BAZ2B: variants seen among roughly 807,000 people sequenced by gnomAD.
The protein encoded by BAZ2B is bromodomain adjacent to zinc finger domain 2B.
In BAZ2B, 91 loss-of-function variants were observed where a neutral mutation model predicts 246.0. The observed-to-expected ratio is 0.37, with a 90% CI of 0.31 to 0.44. BAZ2B has a LOEUF of 0.44. BAZ2B is among the 20% of genes least tolerant of loss of function. The pLI is 1.00. For synonymous variants in BAZ2B, 855 were observed against 860.0 expected (o/e 0.99, Z 0.10); for missense variants, 2,332 against 2,533.7 (o/e 0.92, Z 1.71).
intron 3 of BAZ2B, among the ~76,000 whole-genome samples, chr2:159,472,065 A>G (rs1020319351): frequency 2.6e-5 from 4 of 152,136 alleles, no homozygotes; most frequent in African/African-American, 9.7e-5. Context: ...TTCATTCAAG[A>G]TTTGTTTCAA....
intron 27 of BAZ2B, among the ~76,000 whole-genome samples, chr2:159,356,304 G>A (rs1021735973): frequency 2.6e-5 from 4 of 152,204 alleles, no homozygotes; most frequent in African/African-American, 9.6e-5. Flanking sequence ...TTGGGTGTGG[G>A]AAGGGGTGTC....
chr2:159,545,339 A>G (rs1302719759), intron 2 of BAZ2B, among the ~76,000 whole-genome samples: 1 of 152,220 alleles, frequency 6.6e-6, no homozygotes, highest in Non-Finnish European at 1.5e-5. Flanking sequence ...CTGCCAGGAA[A>G]TCATTCATTC....
At chr2:159,435,819 C>T (rs975653737) in intron 8 of BAZ2B, among the ~76,000 whole-genome samples, 3 of 152,178 alleles carry the variant, frequency 2.0e-5, no homozygotes, top group Non-Finnish European at 2.9e-5. Flanking sequence ...TTTAAAGCAG[C>T]AGTACTAACA....
At chr2:159,463,953 C>T (rs2076728582) in intron 3 of BAZ2B, 1 of 137,920 alleles carries the variant, frequency 7.3e-6, no homozygotes, top group African/African-American at 2.5e-5. Flanking sequence ...ATCTGCCCAC[C>T]TCAGCCTCCC....
intron 25 of BAZ2B, among the ~76,000 whole-genome samples, chr2:159,381,633 C>A (rs913131134): frequency 1.3e-5 from 2 of 152,182 alleles, no homozygotes; most frequent in African/African-American, 4.8e-5. Context: ...CTCTGCACTT[C>A]TGATGTTGCC....
At chr2:159,503,240 G>T (rs1442271959) in intron 2 of BAZ2B, among the ~76,000 whole-genome samples, 1 of 152,066 alleles carries the variant, frequency 6.6e-6, no homozygotes, top group African/African-American at 2.4e-5. Flanking sequence ...TACTTAATAA[G>T]CCTCTGGTTT....
At chr2:159,349,673 C>T (rs763206156) in intron 28 of BAZ2B, 35 bp downstream of exon 28, 1 of 1,546,702 alleles carries the variant, frequency 6.5e-7, no homozygotes, top group Non-Finnish European at 8.8e-7. Context: ...TTACATAAAG[C>T]AATATAAAAA....
At chr2:159,679,099 A>T in the BAZ2B span, among the ~76,000 whole-genome samples, 69,307 of 151,566 alleles carry the variant, frequency 0.46, 16,690 homozygotes, top group Middle Eastern at 0.64. Context: ...GGTGAAACCC[A>T]GTCTCTGCTA....
intron 1 of BAZ2B, among the ~76,000 whole-genome samples, chr2:159,609,376 C>G (rs1269079857): frequency 6.6e-6 from 1 of 152,192 alleles, no homozygotes; most frequent in Non-Finnish European, 1.5e-5. Context: ...TCCCTTCTAT[C>G]TTGCTTTACA....
intron 34 of BAZ2B, among the ~76,000 whole-genome samples, chr2:159,330,782 TGG>T (rs2148889700): frequency 6.6e-6 from 1 of 151,870 alleles, no homozygotes; most frequent in Non-Finnish European, 1.5e-5. Flanking sequence ...AACTTGAACC[TGG>T]GGGACTCAAG....
intron 3 of BAZ2B, among the ~76,000 whole-genome samples, chr2:159,455,412 C>A (rs1195969009): frequency 6.6e-6 from 1 of 151,916 alleles, no homozygotes; most frequent in East Asian, 1.9e-4. Context: ...AAATAAATTG[C>A]ATTAAGTATG....
At chr2:159,521,957 T>G (rs1002002284) in intron 2 of BAZ2B, among the ~76,000 whole-genome samples, 1 of 152,066 alleles carries the variant, frequency 6.6e-6, no homozygotes, top group Non-Finnish European at 1.5e-5. Context: ...AAGTCACTTT[T>G]GTAATAATAT....
intron 31 of BAZ2B, among the ~76,000 whole-genome samples, chr2:159,344,740 AG>A (rs1304914224): frequency 1.3e-5 from 2 of 152,278 alleles, no homozygotes; most frequent in Non-Finnish European, 2.9e-5. Flanking sequence ...ATGGAACTGG[AG>A]GACATTACTT....
At chr2:159,446,490 C>T (rs1017574253) in intron 6 of BAZ2B, among the ~76,000 whole-genome samples, 2 of 152,174 alleles carry the variant, frequency 1.3e-5, no homozygotes, top group African/African-American at 4.8e-5. Flanking sequence ...TGGTGCTTTG[C>T]TTCTCCATTT....
In BAZ2B at chr2:159,349,783, T is replaced by C. The variant is rs1184960265; in HGVS notation, c.4788A>G (p.Ser1596=). The change falls in exon 28 of 37, where the codon TCA becomes TCG. Residue 1596 remains serine, a synonymous_variant. Transcript: ENST00000392783. Reference sequence around the variant, plus strand: ...AAGATCCAAGAGGAGCTGGGGTAGGTGAAGGTGACTTAGATGGTGGCTGAG... The same window carrying C: ...AAGATCCAAGAGGAGCTGGGGTAGGCGAAGGTGACTTAGATGGTGGCTGAG... ...PQSQPPSKSP[S]PTPAPLGSSA... The C allele has an allele frequency of 6.2e-7, 1 of 1,614,042 alleles. No individual in the cohort carries two copies. The highest frequency in any genetic ancestry group is 8.5e-7 in the Non-Finnish European group (1 of 1,179,976).
chr2:159,584,127 G>GTT (rs34885086), intron 1 of BAZ2B, among the ~76,000 whole-genome samples: 8 of 146,212 alleles, frequency 5.5e-5, no homozygotes, highest in African/African-American at 2.0e-4. Flanking sequence ...CTGATTTAGG[G>GTT]TTTTTTTTTT....
chr2:159,564,652 G>T (rs139540530), intron 1 of BAZ2B, among the ~76,000 whole-genome samples: 6 of 152,242 alleles, frequency 3.9e-5, no homozygotes, highest in Non-Finnish European at 8.8e-5. Flanking sequence ...AGATCAACTG[G>T]GTAAATGACA....
intron 13 of BAZ2B, among the ~76,000 whole-genome samples, chr2:159,423,513 A>T (rs1019186402): frequency 2.0e-5 from 3 of 152,198 alleles, no homozygotes. Context: ...CAATCCCACT[A>T]CTGGGTATAT....
At chr2:159,536,839 C>A (rs545963876) in intron 2 of BAZ2B, among the ~76,000 whole-genome samples, 1 of 152,120 alleles carries the variant, frequency 6.6e-6, no homozygotes, top group East Asian at 1.9e-4. Context: ...CAAAAACAAA[C>A]CAGTTTATTT....
Sources: allele counts gnomAD v4.1 joint callset (sites outside exome capture counted in the v4.1 genomes callset), GRCh38; gene constraint gnomAD v4.1.1; transcripts MANE v1.5; gene names NCBI Gene and HGNC (gene_info 2026-07-23, HGNC 2026-07-21).